The following SPMIP6 variants were observed in gnomAD, a reference collection of about 807,000 sequenced individuals.
SPMIP6 encodes the protein ciliated bronchial epithelial protein 1.
chr9:34,379,575 T>C, the SPMIP6 span: 23 of 1,364,462 alleles, frequency 1.7e-5, no homozygotes, highest in Non-Finnish European at 2.2e-5. The surrounding 1 kb of genome is among the most constrained non-coding windows in gnomAD (Gnocchi z 4.2). Context: ...CTACCAGACA[T>C]CCTCCCCCAG....
the SPMIP6 span, chr9:34,381,472 G>A: frequency 6.2e-7 from 1 of 1,613,884 alleles, no homozygotes; most frequent in Non-Finnish European, 8.5e-7. This position sits in a 1 kb window ranked among gnomAD's most constrained non-coding sequence, Gnocchi z 4.4. Context: ...GCTACCTCAA[G>A]CTCTGACCTG....
the SPMIP6 span, chr9:34,381,860 C>T: frequency 1.2e-6 from 1 of 852,460 alleles, no homozygotes; most frequent in African/African-American, 1.8e-5. This position sits in a 1 kb window ranked among gnomAD's most constrained non-coding sequence, Gnocchi z 4.4. Flanking sequence ...TTCCATCAAC[C>T]CAGGGTCAGC....
chr9:34,388,855 A>G, the SPMIP6 span, among the ~76,000 whole-genome samples: 1 of 151,802 alleles, frequency 6.6e-6, no homozygotes, highest in African/African-American at 2.4e-5. Flanking sequence ...GCACCTATAC[A>G]TGTTGCAAAT....
At chr9:34,396,500 T>C in the SPMIP6 span, among the ~76,000 whole-genome samples, 5 of 152,120 alleles carry the variant, frequency 3.3e-5, no homozygotes, top group Admixed American at 2.0e-4. Flanking sequence ...AATTGAACCA[T>C]GACTCTCCCT....
At chr9:34,382,607 C>A in the SPMIP6 span, 2 of 622,998 alleles carry the variant, frequency 3.2e-6, no homozygotes, top group Non-Finnish European at 5.9e-6. Context: ...AATACAAACT[C>A]TAGTTTCACA....
the SPMIP6 span, among the ~76,000 whole-genome samples, chr9:34,386,781 C>G: frequency 1.3e-5 from 2 of 152,090 alleles, no homozygotes; most frequent in Non-Finnish European, 2.9e-5. Flanking sequence ...CTCAACTTAC[C>G]CTGTCACTTC....
the SPMIP6 span, among the ~76,000 whole-genome samples, chr9:34,386,966 CT>C: frequency 1.2e-4 from 18 of 152,160 alleles, no homozygotes; most frequent in Admixed American, 7.2e-4. Flanking sequence ...GATAGGGCTT[CT>C]TCCTCATAAC....
the SPMIP6 span, chr9:34,385,613 G>C: frequency 1.9e-6 from 3 of 1,611,046 alleles, no homozygotes; most frequent in Non-Finnish European, 2.5e-6. Context: ...TCATTTTAGG[G>C]GTCAGCAAAG....
chr9:34,386,484 C>T, the SPMIP6 span, among the ~76,000 whole-genome samples: 9 of 151,572 alleles, frequency 5.9e-5, no homozygotes, highest in Admixed American at 1.3e-4. Flanking sequence ...GTCCCAGCTA[C>T]TCGGGAGGCT....
chr9:34,389,445 T>C, the SPMIP6 span, among the ~76,000 whole-genome samples: 2 of 152,238 alleles, frequency 1.3e-5, no homozygotes, highest in Admixed American at 1.3e-4. Context: ...ACTTTTGCCC[T>C]TCTCTATAAA....
the SPMIP6 span, among the ~76,000 whole-genome samples, chr9:34,386,349 C>G: frequency 6.6e-5 from 10 of 152,114 alleles, no homozygotes; most frequent in South Asian, 2.1e-3. Flanking sequence ...TAATCCTAGC[C>G]CTTTGGGAGG....
At chr9:34,381,266 C>T in the SPMIP6 span, 1 of 1,593,256 alleles carries the variant, frequency 6.3e-7, no homozygotes, top group Non-Finnish European at 8.6e-7. This position sits in a 1 kb window ranked among gnomAD's most constrained non-coding sequence, Gnocchi z 4.4. Context: ...TCTCCAGGAC[C>T]CTCGGCCTCC....
chr9:34,381,513 A>G, the SPMIP6 span: 2 of 1,607,968 alleles, frequency 1.2e-6, no homozygotes, highest in Non-Finnish European at 1.7e-6. This position sits in a 1 kb window ranked among gnomAD's most constrained non-coding sequence, Gnocchi z 4.4. Flanking sequence ...GGGTCCTCCC[A>G]GAACACCCAG....
At chr9:34,391,273 C>A in the SPMIP6 span, among the ~76,000 whole-genome samples, 7 of 151,960 alleles carry the variant, frequency 4.6e-5, no homozygotes, top group South Asian at 1.0e-3. Context: ...ATTGTTAGAC[C>A]CTTCTTTTAT....
At chr9:34,397,084 C>A in the SPMIP6 span, among the ~76,000 whole-genome samples, 2 of 152,178 alleles carry the variant, frequency 1.3e-5, no homozygotes, top group Non-Finnish European at 2.9e-5. Flanking sequence ...TTTGTGATCA[C>A]TTGTCTGGAA....
chr9:34,380,911 C>T, the SPMIP6 span: 4 of 1,585,752 alleles, frequency 2.5e-6, no homozygotes, highest in African/African-American at 5.4e-5. Context: ...CAGTCGGTTG[C>T]TCCCGGCACC....
the SPMIP6 span, among the ~76,000 whole-genome samples, chr9:34,390,808 A>T: frequency 6.6e-6 from 1 of 151,780 alleles, no homozygotes; most frequent in Non-Finnish European, 1.5e-5. Context: ...TTTTGTAGAG[A>T]CGGGGGTCTC....
At chr9:34,380,555 AT>A in the SPMIP6 span, 11 of 1,270,766 alleles carry the variant, frequency 8.7e-6, no homozygotes, top group Non-Finnish European at 1.0e-5. Context: ...GGCCAAGGAG[AT>A]GGGGGAAGAG....
chr9:34,381,411 G>T, the SPMIP6 span: 1 of 1,614,082 alleles, frequency 6.2e-7, no homozygotes, highest in Non-Finnish European at 8.5e-7. The surrounding 1 kb of genome is among the most constrained non-coding windows in gnomAD (Gnocchi z 4.4). Context: ...CATTCCAAGG[G>T]CATTCCTCGA....
Sources: gnomAD v4.1 joint callset for allele counts (sites outside exome capture counted in the v4.1 genomes callset) on GRCh38, gnomAD v4.1.1 for gene constraint, Gnocchi (gnomAD v3.1) non-coding constraint, MANE v1.5 for transcripts, NCBI Gene and HGNC (gene_info 2026-07-23, HGNC 2026-07-21) for gene names.